XPO4: variants seen among roughly 807,000 people sequenced by gnomAD.
XPO4 encodes exportin-4.
In XPO4, 39 loss-of-function variants were observed where a neutral mutation model predicts 143.0. The observed-to-expected ratio is 0.27, with a 90% CI of 0.21 to 0.36. XPO4 has a LOEUF of 0.36. XPO4 is among the 10% of genes least tolerant of loss of function. XPO4 has a pLI of 1.00. For missense variants in XPO4, 907 were observed against 1,348.0 expected, an observed-to-expected ratio of 0.67 and a Z score of 5.12; for synonymous variants, 439 against 474.0, an observed-to-expected ratio of 0.93 and a Z score of 0.96.
At chr13:20,790,653 T>A in intron 18 of XPO4, 73 bp from the exon 19 acceptor site, 1 of 1,230,660 alleles carries the variant, frequency 8.1e-7, no homozygotes, top group Non-Finnish European at 1.2e-6. Flanking sequence ...TCTACCCTTA[T>A]GAAAATAAAC....
intron 4 of XPO4, among the ~76,000 whole-genome samples, chr13:20,854,966 C>T (rs2060128250): frequency 6.6e-6 from 1 of 152,124 alleles, no homozygotes; most frequent in South Asian, 2.1e-4. Context: ...CTTCTGTATT[C>T]ACTAGTAGCT....
chr13:20,828,501 T>C (rs574679073), intron 6 of XPO4, among the ~76,000 whole-genome samples: 9 of 152,190 alleles, frequency 5.9e-5, no homozygotes, highest in African/African-American at 1.7e-4. Flanking sequence ...AACTTTTTTT[T>C]AAGATAATTG....
At chr13:20,787,679 T>C (rs2059223707) in intron 20 of XPO4, 81 bp from the exon 21 acceptor site, 2 of 1,122,458 alleles carry the variant, frequency 1.8e-6, no homozygotes, top group African/African-American at 3.1e-5. Context: ...TAGTATTAAA[T>C]GGATGAGTGT....
At chr13:20,882,491 C>T (rs2060421953) in intron 1 of XPO4, among the ~76,000 whole-genome samples, 2 of 152,130 alleles carry the variant, frequency 1.3e-5, no homozygotes, top group Admixed American at 6.5e-5. Flanking sequence ...GAGGGATCCA[C>T]CTCATGACCC....
In XPO4 at chr13:20,788,756, A is replaced by G. The variant is rs141114350; in HGVS notation, c.2917-140T>C. 5.2e-4 allele frequency: 431 copies of G among 833,366 alleles called. 2 individuals carry two copies. In the African/African-American group the frequency reaches 5.6e-3, roughly 11 times the overall value. 51.6% of individuals were successfully genotyped at this position (833,366 alleles called of 1,614,324 possible). A position where few individuals can be genotyped will look rare whatever the true frequency, so the allele number is the denominator to read the frequency against. Reference sequence around the variant, plus strand: ...CATGTACAAGATATAGAAAACATGAAGACCAAATTAAATGTAAAAACAGGT... The same window carrying G: ...CATGTACAAGATATAGAAAACATGAGGACCAAATTAAATGTAAAAACAGGT... On this transcript the variant is annotated intron_variant, in intron 19 of 22. Transcript: ENST00000255305.
intron 18 of XPO4, 60 bp from the exon 19 acceptor site, chr13:20,790,640 T>A (rs2059268163): frequency 7.6e-7 from 1 of 1,319,360 alleles, no homozygotes; most frequent in South Asian, 1.2e-5. Context: ...TCCAAGTGTG[T>A]ATTCTACCCT....
intron 3 of XPO4, chr13:20,856,887 C>T (rs1359065356): frequency 1.0e-6 from 1 of 985,326 alleles, no homozygotes; most frequent in Non-Finnish European, 1.2e-6. Flanking sequence ...GCTCCCACGG[C>T]ACCCTCACAT....
chr13:20,822,220 A>C lies in XPO4; in HGVS notation c.910T>G (p.Ser304Ala), dbSNP rs2059729518. ...DSLQCLAQLA[S>A]LHGPIFPDEG... ...TCTGGGAAGATGGGTCCATGAAGAG[A>C]AGCTAACTGGGCAAGGCACTGCAGA... The change falls in exon 8 of 23, where the codon TCT becomes GCT. Residue 304 changes from serine to alanine, a missense_variant. Ser to Ala is a moderately conservative substitution (Grantham distance 99). Transcript: ENST00000255305. 1 of 1,614,020 alleles carries C rather than the reference A, an allele frequency of 6.2e-7. No homozygotes were observed. The highest frequency in any genetic ancestry group is 1.6e-4 in the Middle Eastern group (1 of 6,062).
chr13:20,875,923 G>C (rs964606158), intron 1 of XPO4, among the ~76,000 whole-genome samples: 1 of 152,004 alleles, frequency 6.6e-6, no homozygotes, highest in African/African-American at 2.4e-5. Flanking sequence ...CCTAACTCAT[G>C]TAAGGGTAAA....
At chr13:20,833,703 C>A (rs1179466285) in intron 6 of XPO4, among the ~76,000 whole-genome samples, 1 of 150,866 alleles carries the variant, frequency 6.6e-6, no homozygotes, top group Admixed American at 6.7e-5. Flanking sequence ...GGGAAAAAAT[C>A]ATATACAACA....
At chr13:20,869,624 G>C (rs991081841) in intron 1 of XPO4, 2 of 773,870 alleles carry the variant, frequency 2.6e-6, no homozygotes, top group African/African-American at 3.8e-5. Flanking sequence ...TATCAATTAT[G>C]CAACATTAGT....
rs1314442020 is a variant in XPO4, at chr13:20,800,928, G to A, written c.1880C>T (p.Thr627Ile). Residue 627 changes from threonine to isoleucine, a missense_variant, in exon 14 of 23, where the codon ACT becomes ATT. Coordinates refer to ENST00000255305, the MANE Select transcript of XPO4 (RefSeq NM_022459.5). Reference sequence around the variant, plus strand: ...GCCCATCTGGGGACTTAGTAGATGAGTGAGATCTGCTCTTATTGCTCGAGA... The same window carrying A: ...GCCCATCTGGGGACTTAGTAGATGAATGAGATCTGCTCTTATTGCTCGAGA... The part of the protein sequence containing the change: ...VESRAIRADL[T>I]HLLSPQMGKD... 1.9e-6 allele frequency: 3 copies of A among 1,614,008 alleles called. No individual in the cohort carries two copies. The Admixed American group carries it at 5.0e-5, about 27-fold the overall frequency.
At position 20,872,607 on chromosome 13, in the gene XPO4, G is replaced by T. The variant is rs375638186; in HGVS notation, c.70-3906C>A. The stretch of plus-strand genomic sequence containing the variant: ...CAGGAAGGAGGAGGGAAGTTGGAAG[G>T]TAATCTCACTAATCCTAACAACTCT... On this transcript the variant is annotated intron_variant, in intron 1 of 22. Transcript: ENST00000255305. 3.7e-4 allele frequency among the ~76,000 whole-genome samples: 56 copies of T among 152,290 alleles called. 1 individual carries two copies. In the East Asian group the frequency reaches 9.1e-3, roughly 25 times the overall value.
chr13:20,856,467 A>ATCCTT, intron 3 of XPO4: 1 of 525,682 alleles, frequency 1.9e-6, no homozygotes, highest in Non-Finnish European at 2.4e-6. Context: ...ATCTTTTCTG[A>ATCCTT]AAGATAAGGA....
chr13:20,834,087 T>C (rs2059886538), intron 6 of XPO4, among the ~76,000 whole-genome samples: 2 of 152,284 alleles, frequency 1.3e-5, no homozygotes, highest in South Asian at 4.1e-4. Context: ...CACAGAGTGA[T>C]TTTTAACATC....
rs1253211355 is a variant in XPO4 at position 20,780,018 on chromosome 13, A to C, written c.*3704T>G. The C allele has an allele frequency of 6.6e-6, 1 of 152,248 alleles. No homozygotes were observed. The highest frequency in any genetic ancestry group is 1.5e-5 in the Non-Finnish European group (1 of 68,034). The allele number at this position is 152,248 out of a possible 1,614,324, so 9.4% of individuals were successfully genotyped here. A position where few individuals can be genotyped will look rare whatever the true frequency, so the allele number is the denominator to read the frequency against. ...TAACCACTTATATTTTAAAAAGATT[A>C]AAACATTATTATATCCTCAAATCAA... On this transcript the variant is annotated 3_prime_UTR_variant, in exon 23 of 23. Transcript: ENST00000255305.
intron 1 of XPO4, among the ~76,000 whole-genome samples, chr13:20,899,833 A>G (rs939730701): frequency 3.3e-5 from 5 of 152,234 alleles, no homozygotes; most frequent in African/African-American, 1.2e-4. Context: ...AGATATATTC[A>G]GACCCACAGA....
At chr13:20,866,616 T>C (rs2060247545) in intron 2 of XPO4, among the ~76,000 whole-genome samples, 1 of 152,198 alleles carries the variant, frequency 6.6e-6, no homozygotes, top group Admixed American at 6.5e-5. Flanking sequence ...ACACAGGGCT[T>C]TGCAGTACAT....
chr13:20,799,414 G>T (rs965949912), intron 15 of XPO4, 75 bp from the exon 16 acceptor site: 2 of 1,253,544 alleles, frequency 1.6e-6, no homozygotes, highest in Non-Finnish European at 2.1e-6. Flanking sequence ...TACACACAAA[G>T]AAAACAAAAA....
Sources: gnomAD v4.1 joint callset for allele counts (sites outside exome capture counted in the v4.1 genomes callset) on GRCh38, gnomAD v4.1.1 for gene constraint, MANE v1.5 for transcripts, NCBI Gene and HGNC (gene_info 2026-07-23, HGNC 2026-07-21) for gene names.